Variants in PRKN observed in about 807,000 individuals in gnomAD.
The protein encoded by PRKN is E3 ubiquitin-protein ligase parkin.
A neutral mutation model predicts 59.5 loss-of-function variants in PRKN; 56 were observed. That is an observed-to-expected ratio of 0.94 (90% CI 0.76 to 1.18). PRKN has a LOEUF of 1.18. PRKN is among the 50% of genes most tolerant of loss of function. The probability of loss-of-function intolerance (pLI) is 0.00; values close to 1 mark genes in which losing one functional copy is unlikely to be tolerated. For synonymous variants in PRKN, 250 were observed against 222.1 expected (o/e 1.13, Z -1.12); for missense variants, 657 against 596.4 (o/e 1.10, Z -1.06).
chr6:162,659,571 G>A (rs745663811), intron 1 of PRKN, among the ~76,000 whole-genome samples: 5 of 151,850 alleles, frequency 3.3e-5, no homozygotes, highest in African/African-American at 9.7e-5. Flanking sequence ...CCTTAAATAG[G>A]ATTTCAATTA....
rs1780074517 is a variant in PRKN at position 161,552,649 on chromosome 6, A to G, written c.934-3646T>C. Among the ~76,000 whole-genome samples, 1 of 152,170 alleles carries G rather than the reference A, an allele frequency of 6.6e-6. No individual in the cohort carries two copies. The highest frequency in any genetic ancestry group is 6.5e-5 in the Admixed American group (1 of 15,284). The stretch of plus-strand genomic sequence containing the variant: ...ATATCACATAGAATAAGCTTAATAC[A>G]TTATAAAGTGACCAACTTTTTAAAC... On this transcript the variant is annotated intron_variant, in intron 8 of 11. Coordinates refer to ENST00000366898, the MANE Select transcript of PRKN (RefSeq NM_004562.3). This position sits in a 1 kb window ranked among gnomAD's most constrained non-coding sequence, Gnocchi z 4.9.
At position 161,409,017 on chromosome 6, in the gene PRKN, C is replaced by T. The variant is rs1787405858; in HGVS notation, c.1084-22140G>A. ...CTGGAGTGCAGTGGTGCAATCTCAG[C>T]TCACTGCAACCTCTGCCTCCTGGGT... On this transcript the variant is annotated intron_variant, in intron 9 of 11. Coordinates refer to ENST00000366898, the MANE Select transcript of PRKN (RefSeq NM_004562.3). The surrounding 1 kb of genome is among the most constrained non-coding windows in gnomAD (Gnocchi z 4.6). Among the ~76,000 whole-genome samples the T allele has an allele frequency of 6.6e-6, 1 of 152,182 alleles. No individual in the cohort carries two copies. The highest frequency in any genetic ancestry group is 1.5e-5 in the Non-Finnish European group (1 of 68,040).
rs149792473 is a variant in PRKN at position 162,319,063 on chromosome 6, C to T, written c.172-56298G>A. 4.3e-3 allele frequency among the ~76,000 whole-genome samples: 657 copies of T among 152,094 alleles called. 4 individuals carry two copies. The highest frequency in any genetic ancestry group is 0.015 in the African/African-American group (615 of 41,522). On this transcript the variant is annotated intron_variant, in intron 2 of 11. Transcript: ENST00000366898. ...AGTAAGCTTTGTTTTATTCTTTACA[C>T]AGTCTTCATCCTTGGCACTCAAGAA...
At chr6:162,003,248 C>T (rs1175723472) in intron 5 of PRKN, among the ~76,000 whole-genome samples, 1 of 150,708 alleles carries the variant, frequency 6.6e-6, no homozygotes, top group Non-Finnish European at 1.5e-5. Context: ...TCCAGTTTGG[C>T]GAGTAGATGG....
At chr6:161,913,262 C>A (rs1283874410) in intron 6 of PRKN, among the ~76,000 whole-genome samples, 1 of 150,898 alleles carries the variant, frequency 6.6e-6, no homozygotes, top group Non-Finnish European at 1.5e-5. Context: ...AGAAAATCAG[C>A]AAACTGGGAA....
chr6:162,002,855 C>A (rs1265922795), intron 5 of PRKN, among the ~76,000 whole-genome samples: 1 of 151,968 alleles, frequency 6.6e-6, no homozygotes, highest in Non-Finnish European at 1.5e-5. Flanking sequence ...TTCAAATACT[C>A]TTGTGATTTA....
intron 3 of PRKN, among the ~76,000 whole-genome samples, chr6:162,241,973 T>C (rs1462835756): frequency 1.3e-5 from 2 of 152,030 alleles, no homozygotes; most frequent in Non-Finnish European, 2.9e-5. Flanking sequence ...TATCAGTCCA[T>C]ATTTCAAACT....
At chr6:162,380,568 T>C (rs1379650740) in intron 2 of PRKN, among the ~76,000 whole-genome samples, 2 of 149,254 alleles carry the variant, frequency 1.3e-5, no homozygotes, top group Non-Finnish European at 1.5e-5. Flanking sequence ...CAAGGCTGCA[T>C]GAACCAATTT....
At chr6:161,902,552 A>ATCTATTTTTTTTTTTTTTTT (rs1343265664) in intron 6 of PRKN, among the ~76,000 whole-genome samples, 2 of 121,052 alleles carry the variant, frequency 1.7e-5, no homozygotes, top group African/African-American at 3.3e-5. Context: ...CTATCTATTT[A>ATCTATTTTTTTTTTTTTTTT]TTTATTTATT....
intron 2 of PRKN, among the ~76,000 whole-genome samples, chr6:162,378,480 T>G (rs188384522): frequency 6.6e-6 from 1 of 152,380 alleles, no homozygotes; most frequent in African/African-American, 2.4e-5. Context: ...TGTTTCTATG[T>G]AAGAAGAGCA....
At chr6:162,452,317 GCAT>G (rs1434083247) in intron 1 of PRKN, among the ~76,000 whole-genome samples, 2 of 152,074 alleles carry the variant, frequency 1.3e-5, no homozygotes, top group African/African-American at 4.8e-5. Flanking sequence ...AACAGTAAAA[GCAT>G]CATAAGTGCT....
At chr6:162,420,223 C>A (rs1973883) in intron 2 of PRKN, among the ~76,000 whole-genome samples, 2 of 148,460 alleles carry the variant, frequency 1.3e-5, no homozygotes, top group Non-Finnish European at 3.0e-5. Flanking sequence ...TCATAAGGAG[C>A]GTGCAACCTA....
At chr6:161,901,375 G>A (rs1007729698) in intron 6 of PRKN, among the ~76,000 whole-genome samples, 1 of 152,132 alleles carries the variant, frequency 6.6e-6, no homozygotes, top group African/African-American at 2.4e-5. Flanking sequence ...TCCTGCCTGG[G>A]GGAGAGAAAA....
At chr6:162,117,462 C>A (rs1443212617) in intron 4 of PRKN, among the ~76,000 whole-genome samples, 4 of 152,212 alleles carry the variant, frequency 2.6e-5, no homozygotes, top group Non-Finnish European at 5.9e-5. Flanking sequence ...TTGTATGAGA[C>A]TGCGAGAAAG....
At chr6:162,260,945 G>T (rs1206105222) in intron 3 of PRKN, among the ~76,000 whole-genome samples, 1 of 152,046 alleles carries the variant, frequency 6.6e-6, no homozygotes. Context: ...ACCATTTTTG[G>T]TTTCAGGCGT....
intron 1 of PRKN, chr6:162,727,331 C>CGGGGCGAAGGTGAGGGGCGGCGGG (rs1562531569): frequency 5.1e-6 from 2 of 388,420 alleles, no homozygotes; most frequent in South Asian, 3.9e-5. Context: ...GGGGCGGCGG[C>CGGGGCGAAGGTGAGGGGCGGCGGG]GGGGAGAAGG....
chr6:161,509,815 G>A (rs186066702), intron 9 of PRKN, among the ~76,000 whole-genome samples: 11,986 of 145,490 alleles, frequency 0.082, 711 homozygotes, highest in African/African-American at 0.17. Flanking sequence ...AGGAGGCAGA[G>A]GTTGCAGTGA....
intron 7 of PRKN, among the ~76,000 whole-genome samples, chr6:161,722,482 C>T (rs149305901): frequency 2.4e-4 from 36 of 152,304 alleles, no homozygotes; most frequent in South Asian, 1.0e-3. Flanking sequence ...CTATAAGCAA[C>T]GCTCTACAGA....
intron 6 of PRKN, among the ~76,000 whole-genome samples, chr6:161,818,996 C>T (rs1791907213): frequency 6.6e-6 from 1 of 152,178 alleles, no homozygotes; most frequent in Non-Finnish European, 1.5e-5. Flanking sequence ...CATCTGAGTG[C>T]ATGAATGTTT....
Sources: gnomAD v4.1 joint callset for allele counts (sites outside exome capture counted in the v4.1 genomes callset) on GRCh38, gnomAD v4.1.1 for gene constraint, Gnocchi (gnomAD v3.1) non-coding constraint, MANE v1.5 for transcripts, NCBI Gene and HGNC (gene_info 2026-07-23, HGNC 2026-07-21) for gene names.